FAM83B: variants seen among roughly 807,000 people sequenced by gnomAD.
FAM83B encodes the protein protein FAM83B.
FAM83B carries 26 observed loss-of-function variants against 38.8 expected under a neutral mutation model. The ratio of observed to expected loss-of-function variants is 0.67; its 90% CI spans 0.49 to 0.93. The LOEUF (loss-of-function observed/expected upper bound fraction) is 0.93, where lower values mean the gene tolerates loss of function less well. Among genes scored for constraint, FAM83B ranks in the 40% least tolerant of loss-of-function variants. The pLI is 0.00. For missense variants in FAM83B, 1,237 were observed against 1,197.3 expected (o/e 1.03, Z -0.49); for synonymous variants, 419 against 423.1 (o/e 0.99, Z 0.12).
intron 4 of FAM83B, among the ~76,000 whole-genome samples, chr6:54,934,239 A>T (rs1231334051): frequency 6.6e-6 from 1 of 152,108 alleles, no homozygotes; most frequent in Non-Finnish European, 1.5e-5. Flanking sequence ...GTTTTGATCT[A>T]TGATTGCATC....
intron 2 of FAM83B, among the ~76,000 whole-genome samples, chr6:54,916,216 C>T (rs923639531): frequency 3.9e-5 from 6 of 152,062 alleles, no homozygotes; most frequent in African/African-American, 9.7e-5. Context: ...ATTTTTACTC[C>T]GTCCTCCCTC....
rs1773324770 is a variant in FAM83B, at chr6:54,927,577, A to G, written c.679A>G (p.Met227Val). 6.2e-7 allele frequency: 1 copy of G among 1,609,134 alleles called. No individual in the cohort carries two copies. Among genetic ancestry groups the G allele is most frequent in the African/African-American group, 1.3e-5 (1 of 74,966 alleles). Residue 227 changes from methionine to valine, a missense_variant, in exon 4 of 5, where the codon ATG becomes GTG. Transcript: ENST00000306858. ...SKTGAKFHGK[M>V]EQKFLLVDCQ... Reference sequence around the variant, plus strand: ...AACAGGGGCAAAATTCCATGGAAAAATGGAACAGAAATTTTTGTTAGTTGA... The same window carrying G: ...AACAGGGGCAAAATTCCATGGAAAAGTGGAACAGAAATTTTTGTTAGTTGA...
intron 2 of FAM83B, among the ~76,000 whole-genome samples, chr6:54,882,416 G>T (rs1008439893): frequency 2.6e-5 from 4 of 151,934 alleles, no homozygotes; most frequent in African/African-American, 9.7e-5. Flanking sequence ...CCTTTTTTTA[G>T]AGGTGAGGAA....
rs1213985800 is a variant in FAM83B, at chr6:54,944,984, TTCC to T, written c.*2979_*2981del. 2 of 152,156 alleles carry T rather than the reference TTCC, an allele frequency of 1.3e-5. No homozygotes were observed. The highest frequency in any genetic ancestry group is 1.3e-4 in the Admixed American group (2 of 15,270). 9.4% of individuals were successfully genotyped at this position (152,156 alleles called of 1,614,324 possible). On this transcript the variant is annotated 3_prime_UTR_variant, in exon 5 of 5. Transcript: ENST00000306858. ...GCTCAAACGATCCTCCAGCCTCAGG[TTCC>T]TGAGTAGCTCAACATTTTATGTATG...
At chr6:54,851,453 A>G (rs563392660) in intron 1 of FAM83B, among the ~76,000 whole-genome samples, 2 of 150,740 alleles carry the variant, frequency 1.3e-5, no homozygotes, top group African/African-American at 4.9e-5. Context: ...ATTTATTTAC[A>G]TTTTGTTTTG....
rs1371090794 is a variant in FAM83B at position 54,943,518 on chromosome 6, G to T, written c.*1511G>T. 6.6e-6 allele frequency: 1 copy of T among 151,964 alleles called. No homozygotes were observed. Among genetic ancestry groups the T allele is most frequent in the Non-Finnish European group, 1.5e-5 (1 of 67,966 alleles). The allele number at this position is 151,964 out of a possible 1,614,324, so 9.4% of individuals were successfully genotyped here. A position where few individuals can be genotyped will look rare whatever the true frequency, so the allele number is the denominator to read the frequency against. ...AGCAGTATACTGTTGTTTTAAAAAT[G>T]CAAGATTCAGACAAATTTTAATATT... On this transcript the variant is annotated 3_prime_UTR_variant, in exon 5 of 5. Coordinates refer to ENST00000306858, the MANE Select transcript of FAM83B (RefSeq NM_001010872.3).
intron 4 of FAM83B, among the ~76,000 whole-genome samples, chr6:54,934,080 T>G (rs1773480159): frequency 6.6e-6 from 1 of 152,160 alleles, no homozygotes; most frequent in South Asian, 2.1e-4. Flanking sequence ...GTCTTCTGTT[T>G]CACATATTGT....
intron 2 of FAM83B, among the ~76,000 whole-genome samples, chr6:54,898,904 G>A (rs572409077): frequency 2.0e-5 from 3 of 152,168 alleles, no homozygotes; most frequent in African/African-American, 4.8e-5. Context: ...GACTTCTTCT[G>A]TAAGGTTTGA....
chr6:54,862,259 T>C (rs1015226086), intron 1 of FAM83B, among the ~76,000 whole-genome samples: 1 of 152,204 alleles, frequency 6.6e-6, no homozygotes, highest in Non-Finnish European at 1.5e-5. Flanking sequence ...TGAGAGGCTA[T>C]AGATCTATTC....
chr6:54,851,037 AAG>A (rs1771263476), intron 1 of FAM83B, among the ~76,000 whole-genome samples: 1 of 134,938 alleles, frequency 7.4e-6, no homozygotes, highest in Admixed American at 7.2e-5. Flanking sequence ...AAAAAAAAAA[AAG>A]TGCTGTATTT....
intron 4 of FAM83B, among the ~76,000 whole-genome samples, chr6:54,932,947 A>G (rs914951814): frequency 3.3e-5 from 5 of 151,922 alleles, no homozygotes; most frequent in African/African-American, 1.2e-4. Flanking sequence ...TTCTTTTTGG[A>G]TTTATCCCAG....
intron 2 of FAM83B, among the ~76,000 whole-genome samples, chr6:54,898,079 C>T (rs1344821287): frequency 6.6e-6 from 1 of 152,036 alleles, no homozygotes; most frequent in Non-Finnish European, 1.5e-5. Context: ...CTTGGGGTGG[C>T]TAATGATACA....
Position 54,941,058 on chromosome 6 carries a change from C to A in FAM83B, c.2087C>A (p.Pro696Gln). 3 of 1,613,392 alleles carry A rather than the reference C, an allele frequency of 1.9e-6. No homozygotes were observed. The highest frequency in any genetic ancestry group is 2.5e-6 in the Non-Finnish European group (3 of 1,179,846). The stretch of plus-strand genomic sequence containing the variant: ...CTTACCAGGAATCGAGTTAGACAAC[C>A]AGAAAAGCCCAAAGAAGATTTGCTG... ...STLTRNRVRQ[P>Q]EKPKEDLLKS... Residue 696 changes from proline to glutamine, a missense_variant, in exon 5 of 5, where the codon CCA becomes CAA. By Grantham distance (76) the Pro-to-Gln change is moderately conservative (BLOSUM62 -1). Transcript: ENST00000306858.
chr6:54,926,603 C>T (rs1773292245), intron 3 of FAM83B, 68 bp downstream of exon 3: 1 of 1,224,604 alleles, frequency 8.2e-7, no homozygotes, highest in Non-Finnish European at 1.1e-6. Flanking sequence ...AAATGTAAGG[C>T]ATCTTAAGGT....
At position 54,891,853 on chromosome 6, in the gene FAM83B, C is replaced by T. The variant is rs563141275; in HGVS notation, c.444+21163C>T. Among the ~76,000 whole-genome samples the T allele has an allele frequency of 8.0e-4, 121 of 152,006 alleles. 1 individual carries two copies. The South Asian group carries it at 0.024, about 30-fold the overall frequency. ...TTTTCTTAAAATAGAGATGGGTTCT[C>T]GTTATGTTGTCCAGGCTGGTCTAGA... On this transcript the variant is annotated intron_variant, in intron 2 of 4. Coordinates refer to ENST00000306858, the MANE Select transcript of FAM83B (RefSeq NM_001010872.3).
chr6:54,931,525 C>A (rs1773419330), intron 4 of FAM83B, among the ~76,000 whole-genome samples: 1 of 151,926 alleles, frequency 6.6e-6, no homozygotes, highest in African/African-American at 2.4e-5. Flanking sequence ...GGTGAATTGA[C>A]CCCTTTTTTA....
At chr6:54,864,288 A>G (rs1179899699) in intron 1 of FAM83B, among the ~76,000 whole-genome samples, 3 of 152,164 alleles carry the variant, frequency 2.0e-5, no homozygotes, top group African/African-American at 7.2e-5. Context: ...GTTAAAGTAA[A>G]TTGAGGAAAT....
Position 54,849,609 on chromosome 6 carries a change from A to G in FAM83B, c.-61+2783A>G, listed in dbSNP as rs1008933597. Among the ~76,000 whole-genome samples, 5 of 151,388 alleles carry G rather than the reference A, an allele frequency of 3.3e-5. No homozygotes were observed. The East Asian group carries it at 7.7e-4, about 23-fold the overall frequency. ...TGGAGAGATGATCCAAATATGAGAG[A>G]TATTCATTGGGCATGCTGTCTATGT... On this transcript the variant is annotated intron_variant, in intron 1 of 4. Transcript: ENST00000306858.
intron 2 of FAM83B, among the ~76,000 whole-genome samples, chr6:54,904,336 A>C (rs917942831): frequency 6.6e-6 from 1 of 152,166 alleles, no homozygotes; most frequent in African/African-American, 2.4e-5. Context: ...ATGATCTTCC[A>C]CAAGTTCTAA....
Sources: gnomAD v4.1 joint callset for allele counts (sites outside exome capture counted in the v4.1 genomes callset) on GRCh38, gnomAD v4.1.1 for gene constraint, MANE v1.5 for transcripts, NCBI Gene and HGNC (gene_info 2026-07-23, HGNC 2026-07-21) for gene names.